TENM3: variants seen among roughly 807,000 people sequenced by gnomAD.
TENM3 encodes teneurin transmembrane protein 3, also known as teneurin-3.
A neutral mutation model predicts 255.1 loss-of-function variants in TENM3; 63 were observed. The observed-to-expected ratio is 0.25, with a 90% CI of 0.20 to 0.30. TENM3 has a LOEUF of 0.30. TENM3 is among the 10% of genes least tolerant of loss of function. The pLI, the probability that TENM3 is intolerant of heterozygous loss-of-function variation, is 1.00. For missense variants in TENM3, 2,929 were observed against 3,461.1 expected (o/e 0.85, Z 3.86); for synonymous variants, 1,306 against 1,322.3 (o/e 0.99, Z 0.27).
the TENM3 span, among the ~76,000 whole-genome samples, chr4:182,045,395 T>TG: frequency 7.2e-6 from 1 of 139,472 alleles, no homozygotes; most frequent in African/African-American, 2.6e-5. Context: ...TAGCCTCAAT[T>TG]AAAAAAAAAA....
At chr4:182,693,371 C>G (rs1191528861) in intron 12 of TENM3, among the ~76,000 whole-genome samples, 1 of 151,248 alleles carries the variant, frequency 6.6e-6, no homozygotes, top group East Asian at 1.9e-4. Flanking sequence ...GAATCTCACT[C>G]TGTCGCCCAG....
At chr4:182,316,854 T>A (rs1388009899) in intron 1 of TENM3, among the ~76,000 whole-genome samples, 1 of 152,140 alleles carries the variant, frequency 6.6e-6, no homozygotes, top group African/African-American at 2.4e-5. Flanking sequence ...CACCTCTAAT[T>A]GTGAGGGTCT....
chr4:182,171,470 T>C (rs1314676198), intron 1 of TENM3, among the ~76,000 whole-genome samples: 1 of 152,222 alleles, frequency 6.6e-6, no homozygotes, highest in Non-Finnish European at 1.5e-5. Context: ...ACAAATTTAT[T>C]GTTTTGGTTT....
At chr4:181,888,589 T>TAC in the TENM3 span, among the ~76,000 whole-genome samples, 2 of 37,186 alleles carry the variant, frequency 5.4e-5, no homozygotes, top group Non-Finnish European at 1.1e-4. Flanking sequence ...CATATATATA[T>TAC]GCGTGTGTGT....
intron 1 of TENM3, among the ~76,000 whole-genome samples, chr4:182,266,096 T>C (rs1360018026): frequency 1.3e-5 from 2 of 152,222 alleles, no homozygotes; most frequent in Non-Finnish European, 2.9e-5. Context: ...GAGAGTCAGC[T>C]CTTATCTGCA....
At chr4:182,633,153 A>G (rs1751540085) in intron 5 of TENM3, among the ~76,000 whole-genome samples, 1 of 152,100 alleles carries the variant, frequency 6.6e-6, no homozygotes. Flanking sequence ...ATTGGTCTCA[A>G]ACTCCTAGGA....
chr4:181,606,337 C>G, the TENM3 span, among the ~76,000 whole-genome samples: 2 of 152,168 alleles, frequency 1.3e-5, no homozygotes, highest in African/African-American at 4.8e-5. Flanking sequence ...CAGCTTGCAA[C>G]TCTTCAGCCA....
intron 3 of TENM3, among the ~76,000 whole-genome samples, chr4:182,497,874 A>ATATATC (rs1735946567): frequency 7.3e-6 from 1 of 136,514 alleles, no homozygotes; most frequent in African/African-American, 2.8e-5. Context: ...ATATATATAT[A>ATATATC]TATATATATC....
the TENM3 span, among the ~76,000 whole-genome samples, chr4:181,854,486 T>A: frequency 6.9e-6 from 1 of 145,956 alleles, no homozygotes; most frequent in African/African-American, 2.8e-5. Context: ...GAGTTTCCCA[T>A]TTTTTTCCCC....
chr4:182,270,849 T>G (rs891681790), intron 1 of TENM3, among the ~76,000 whole-genome samples: 2 of 152,150 alleles, frequency 1.3e-5, no homozygotes, highest in African/African-American at 4.8e-5. Context: ...TAGAGCTCAC[T>G]TCAAAACTGC....
intron 22 of TENM3, among the ~76,000 whole-genome samples, chr4:182,770,105 GAA>G (rs34469288): frequency 0.026 from 2,400 of 92,708 alleles, 22 homozygotes; most frequent in Non-Finnish European, 0.037. Context: ...GACTTGTCTC[GAA>G]AAAAAAAAAA....
At chr4:181,733,203 C>T in the TENM3 span, among the ~76,000 whole-genome samples, 1 of 152,140 alleles carries the variant, frequency 6.6e-6, no homozygotes, top group African/African-American at 2.4e-5. Context: ...CTTCTGAAGA[C>T]AGATAAATGA....
At chr4:181,811,929 C>G in the TENM3 span, among the ~76,000 whole-genome samples, 2 of 152,250 alleles carry the variant, frequency 1.3e-5, no homozygotes, top group East Asian at 3.9e-4. Context: ...GTACATTCTT[C>G]GAAAACTAGA....
At chr4:182,709,052 A>G (rs1440067846) in intron 12 of TENM3, among the ~76,000 whole-genome samples, 1 of 151,850 alleles carries the variant, frequency 6.6e-6, no homozygotes. Flanking sequence ...GTGCAATCTC[A>G]CCTCACTGCA....
the TENM3 span, among the ~76,000 whole-genome samples, chr4:182,043,245 A>G: frequency 6.6e-6 from 1 of 152,198 alleles, no homozygotes; most frequent in Non-Finnish European, 1.5e-5. Context: ...GTTACGTGCC[A>G]TCTTCGGTAT....
At chr4:182,024,913 CA>C in the TENM3 span, among the ~76,000 whole-genome samples, 1 of 149,798 alleles carries the variant, frequency 6.7e-6, no homozygotes, top group Non-Finnish European at 1.5e-5. Context: ...TTAGATCCCA[CA>C]AAAAAAAAGT....
At chr4:181,877,639 G>A in the TENM3 span, among the ~76,000 whole-genome samples, 1 of 152,188 alleles carries the variant, frequency 6.6e-6, no homozygotes, top group Non-Finnish European at 1.5e-5. Flanking sequence ...TTTCTTTCTA[G>A]CCCTTTAACC....
the TENM3 span, among the ~76,000 whole-genome samples, chr4:181,561,332 A>G: frequency 0.6 from 91,186 of 152,086 alleles, 28,490 homozygotes; most frequent in African/African-American, 0.77. Context: ...TACATGCTGT[A>G]TGAATGAACC....
rs370924947 is a variant in TENM3, at chr4:182,434,524, G to A, written c.511+87595G>A. ...CTAACAATGCAAAAATTAGCCGAGC[G>A]TGATGGTGGGCACCTGTAGTCTCAG... On this transcript the variant is annotated intron_variant, in intron 3 of 27. Transcript: ENST00000511685. 3.4e-4 allele frequency among the ~76,000 whole-genome samples: 51 copies of A among 151,978 alleles called. 1 individual carries two copies. In the East Asian group the frequency reaches 8.0e-3, roughly 24 times the overall value.
Sources: gnomAD v4.1 joint callset for allele counts (sites outside exome capture counted in the v4.1 genomes callset) on GRCh38, gnomAD v4.1.1 for gene constraint, MANE v1.5 for transcripts, NCBI Gene and HGNC (gene_info 2026-07-23, HGNC 2026-07-21) for gene names.